The following ZFX variants were observed in gnomAD, a reference collection of about 807,000 sequenced individuals.
The protein encoded by ZFX is zinc finger X-chromosomal protein.
For synonymous variants in ZFX, 196 were observed against 226.8 expected (o/e 0.86, Z 1.22); for missense variants, 362 against 628.3 (o/e 0.58, Z 4.53).
chrX:24,168,671 CTTTTTTTTTT>C, intron 3 of ZFX, among the ~76,000 whole-genome samples: 1 of 83,247 alleles, frequency 1.2e-5, no homozygotes, highest in Non-Finnish European at 2.3e-5. Flanking sequence ...TTCTTTCTTT[CTTTTTTTTTT>C]TTTTTTTTTA....
intron 5 of ZFX, among the ~76,000 whole-genome samples, chrX:24,191,701 A>ATT (rs1219988274): frequency 9.8e-6 from 1 of 102,149 alleles, no homozygotes; most frequent in Non-Finnish European, 2.0e-5. Context: ...TCTTCATTGG[A>ATT]TTTTTTTTTT....
chrX:24,195,387 C>G (rs1474991227), intron 5 of ZFX, among the ~76,000 whole-genome samples: 1 of 104,474 alleles, frequency 9.6e-6, no homozygotes, highest in East Asian at 3.0e-4. Context: ...GAGTCTCGCT[C>G]TGTTGCCCAG....
At chrX:24,201,500 A>G (rs1002919483) in intron 5 of ZFX, among the ~76,000 whole-genome samples, 1 of 112,805 alleles carries the variant, frequency 8.9e-6, no homozygotes, top group Non-Finnish European at 1.9e-5. Context: ...ACACAAGGAC[A>G]TTGGATTTTC....
rs1932170579 is a variant in ZFX at position 24,151,739 on chromosome X, C to T, written c.-201C>T. 9.0e-6 allele frequency: 1 copy of T among 111,029 alleles called. No individual in the cohort carries two copies. Among genetic ancestry groups the T allele is most frequent in the Non-Finnish European group, 1.9e-5 (1 of 52,979 alleles). The allele number at this position is 111,029 out of a possible 1,213,427, so 9.2% of individuals were successfully genotyped here. A position where few individuals can be genotyped will look rare whatever the true frequency, so the allele number is the denominator to read the frequency against. Reference sequence around the variant, plus strand: ...TGGTCTCGAACTCCTGGGCTCAAGCCGTTCTCCCGCCTCCCACTGCCCGCC... The same window carrying T: ...TGGTCTCGAACTCCTGGGCTCAAGCTGTTCTCCCGCCTCCCACTGCCCGCC... On this transcript the variant is annotated 5_prime_UTR_variant, in exon 2 of 10. Coordinates refer to ENST00000304543, the MANE Select transcript of ZFX (RefSeq NM_003410.4).
intron 3 of ZFX, among the ~76,000 whole-genome samples, chrX:24,163,892 A>G (rs1366959003): frequency 9.4e-6 from 1 of 106,034 alleles, no homozygotes; most frequent in African/African-American, 3.4e-5. Flanking sequence ...TTATTGAGTT[A>G]ATGCTGGTAA....
chrX:24,200,005 T>TG (rs1161175755), intron 5 of ZFX, among the ~76,000 whole-genome samples: 2 of 109,899 alleles, frequency 1.8e-5, no homozygotes, highest in Non-Finnish European at 3.8e-5. Flanking sequence ...CAGTAGAGGA[T>TG]GCAGGGAAAG....
At chrX:24,190,151 T>C (rs927511826) in intron 5 of ZFX, among the ~76,000 whole-genome samples, 1 of 111,717 alleles carries the variant, frequency 9.0e-6, no homozygotes, top group Non-Finnish European at 1.9e-5. Flanking sequence ...TTTTGAAATA[T>C]GTATGTGTTG....
intron 5 of ZFX, among the ~76,000 whole-genome samples, chrX:24,185,652 T>C (rs1453792311): frequency 8.9e-6 from 1 of 112,078 alleles, no homozygotes; most frequent in Admixed American, 9.4e-5. Flanking sequence ...GGTTTCGTCA[T>C]GTTGGCCAGG....
intron 5 of ZFX, among the ~76,000 whole-genome samples, chrX:24,183,766 TC>T (rs1014260356): frequency 9.2e-6 from 1 of 108,512 alleles, no homozygotes; most frequent in Non-Finnish European, 1.9e-5. Context: ...ACAGTCTTGT[TC>T]TGTCTCCCAG....
At chrX:24,153,016 T>TA (rs60859084) in intron 3 of ZFX, among the ~76,000 whole-genome samples, 186 bp downstream of exon 3, 3 of 112,488 alleles carry the variant, frequency 2.7e-5, no homozygotes, top group Non-Finnish European at 5.6e-5. Flanking sequence ...TTTCTTTTTT[T>TA]AAAAAAACAT....
At chrX:24,202,597 T>C (rs1165775584) in intron 5 of ZFX, among the ~76,000 whole-genome samples, 2 of 111,653 alleles carry the variant, frequency 1.8e-5, no homozygotes, top group Non-Finnish European at 3.8e-5. Context: ...CATGCCCTTC[T>C]ACTGCCCTCT....
intron 3 of ZFX, among the ~76,000 whole-genome samples, chrX:24,155,794 A>G (rs1478236484): frequency 8.9e-6 from 1 of 112,301 alleles, no homozygotes; most frequent in Non-Finnish European, 1.9e-5. Flanking sequence ...TTCCCCATGT[A>G]TTTATCGGCC....
chrX:24,191,920 A>T (rs1225599676), intron 5 of ZFX, among the ~76,000 whole-genome samples: 1 of 110,771 alleles, frequency 9.0e-6, no homozygotes, highest in Non-Finnish European at 1.9e-5. Flanking sequence ...GGCTGGTCTC[A>T]AACTCCCGAT....
At chrX:24,170,379 A>C (rs1934459381) in intron 3 of ZFX, among the ~76,000 whole-genome samples, 1 of 108,260 alleles carries the variant, frequency 9.2e-6, no homozygotes, top group Non-Finnish European at 1.9e-5. Context: ...CTGGTCTCGA[A>C]CTCCTGACCT....
At chrX:24,197,240 T>G (rs759497097) in intron 5 of ZFX, among the ~76,000 whole-genome samples, 92 of 111,454 alleles carry the variant, frequency 8.3e-4, no homozygotes, top group African/African-American at 2.7e-3. Flanking sequence ...GAAATGGAAG[T>G]GGAAGGATTG....
At chrX:24,155,362 C>T (rs1932711240) in intron 3 of ZFX, among the ~76,000 whole-genome samples, 1 of 111,258 alleles carries the variant, frequency 9.0e-6, no homozygotes, top group African/African-American at 3.3e-5. Flanking sequence ...CCTGAGACCA[C>T]GAAGTTTGAA....
At chrX:24,177,380 G>C (rs1218250962) in intron 4 of ZFX, among the ~76,000 whole-genome samples, 3 of 112,155 alleles carry the variant, frequency 2.7e-5, no homozygotes, top group African/African-American at 9.7e-5. Flanking sequence ...GGCTTCAACT[G>C]ATTCAGTCCT....
chrX:24,205,260 T>G (rs1404682195), intron 5 of ZFX, among the ~76,000 whole-genome samples: 1 of 112,126 alleles, frequency 8.9e-6, no homozygotes, highest in African/African-American at 3.2e-5. Flanking sequence ...GAGAGAACAT[T>G]CCTTCAGTGT....
intron 2 of ZFX, 129 bp downstream of exon 2, chrX:24,151,929 T>G (rs886337229): frequency 8.9e-6 from 1 of 112,108 alleles, no homozygotes; most frequent in Non-Finnish European, 1.9e-5. Flanking sequence ...ATTTTGCTAC[T>G]TTTGGAACGA....
Sources: allele counts gnomAD v4.1 joint callset (sites outside exome capture counted in the v4.1 genomes callset), GRCh38; gene constraint gnomAD v4.1.1; transcripts MANE v1.5; gene names NCBI Gene and HGNC (gene_info 2026-07-23, HGNC 2026-07-21).